The following CCDC57 variants were observed in gnomAD, a reference collection of about 807,000 sequenced individuals.
CCDC57 encodes coiled-coil domain containing 57.
In CCDC57, 118 loss-of-function variants were observed where a neutral mutation model predicts 118.9. The observed-to-expected ratio is 0.99, with a 90% confidence interval of 0.86 to 1.16. The LOEUF (loss-of-function observed/expected upper bound fraction) is 1.16. CCDC57 is among the 50% of genes most tolerant of loss of function. The pLI is 0.00. For missense variants in CCDC57, 1,300 were observed against 1,320.7 expected (o/e 0.98, Z 0.24); for synonymous variants, 527 against 532.9 (o/e 0.99, Z 0.15).
chr17:82,179,762 G>A (rs550255745), intron 9 of CCDC57, among the ~76,000 whole-genome samples: 45 of 152,306 alleles, frequency 3.0e-4, no homozygotes, highest in African/African-American at 1.1e-3. Flanking sequence ...GATGTAAAGG[G>A]GCAGGTCCAC....
At chr17:82,161,942 A>G (rs1463047501) in intron 14 of CCDC57, among the ~76,000 whole-genome samples, 2 of 152,226 alleles carry the variant, frequency 1.3e-5, no homozygotes, top group Non-Finnish European at 2.9e-5. Flanking sequence ...TGAAAGGTAC[A>G]CTTTAAAATG....
intron 19 of CCDC57, among the ~76,000 whole-genome samples, chr17:82,120,805 G>A (rs1172653208): frequency 6.6e-6 from 1 of 151,974 alleles, no homozygotes; most frequent in African/African-American, 2.4e-5. Context: ...GCCCAGGCTG[G>A]AGTGCAGTGG....
At position 82,184,020 on chromosome 17, in the gene CCDC57, C is replaced by T. The variant is rs745979213; in HGVS notation, c.1053-88G>A. ...GCACCCCCCAGCAAATACACATGCG[C>T]GCGCGCGCGCGCACACACACACACA... On this transcript the variant is annotated intron_variant, in intron 8 of 19. Transcript: ENST00000665763. 25 of 260,850 alleles carry T rather than the reference C, an allele frequency of 9.6e-5. 1 individual carries two copies. Among genetic ancestry groups the T allele is most frequent in the African/African-American group, 3.3e-4 (8 of 24,382 alleles). 16.2% of individuals were successfully genotyped at this position (260,850 alleles called of 1,614,324 possible). A position where few individuals can be genotyped will look rare whatever the true frequency, so the allele number is the denominator to read the frequency against.
chr17:82,149,256 GAT>G (rs2041509487), intron 16 of CCDC57, among the ~76,000 whole-genome samples: 1 of 131,806 alleles, frequency 7.6e-6, no homozygotes, highest in Admixed American at 7.3e-5. Flanking sequence ...TGGATGGATG[GAT>G]GGGGGGGGTG....
At chr17:82,117,794 G>A (rs1319649248) in intron 19 of CCDC57, among the ~76,000 whole-genome samples, 1 of 151,872 alleles carries the variant, frequency 6.6e-6, no homozygotes, top group Non-Finnish European at 1.5e-5. Flanking sequence ...AATACTGAGT[G>A]AGGAAAGGTG....
intron 15 of CCDC57, chr17:82,155,635 C>T (rs1023718521): frequency 1.3e-5 from 2 of 152,336 alleles, no homozygotes; most frequent in Non-Finnish European, 2.9e-5. Flanking sequence ...TGCAGCTCTA[C>T]CCACTTCTCT....
At chr17:82,148,341 A>G (rs1461171890) in intron 16 of CCDC57, among the ~76,000 whole-genome samples, 1 of 38,174 alleles carries the variant, frequency 2.6e-5, no homozygotes, top group Non-Finnish European at 4.6e-5. Flanking sequence ...GGATGGATGG[A>G]TGGATAGGTG....
intron 16 of CCDC57, among the ~76,000 whole-genome samples, chr17:82,137,936 T>A (rs2039451563): frequency 2.0e-5 from 3 of 151,878 alleles, no homozygotes; most frequent in African/African-American, 7.3e-5. Flanking sequence ...CCTCCCAAAG[T>A]GCTGGGATTA....
In CCDC57 at chr17:82,183,764, G is replaced by A; in HGVS notation, c.1211+10C>T. ...ACCCTCAATGGAAACATCTGCCTGG[G>A]GACAGTTACCTTTCAATGTCCTGCT... On this transcript the variant is annotated intron_variant, in intron 9 of 19. Coordinates refer to ENST00000665763, the Ensembl canonical transcript of CCDC57. 6.4e-7 allele frequency: 1 copy of A among 1,552,244 alleles called. No individual in the cohort carries two copies. Among genetic ancestry groups the A allele is most frequent in the Non-Finnish European group, 8.7e-7 (1 of 1,147,190 alleles).
rs1216990966 is a variant in CCDC57, at chr17:82,194,264, A to G, written c.619-125T>C. ...GAAAAATGAAAATTCAAGAAGCAGT[A>G]AAACAGTGAGAATGTCCTAACACAA... On this transcript the variant is annotated intron_variant, in intron 5 of 19. Transcript: ENST00000665763. 5 of 1,013,056 alleles carry G rather than the reference A, an allele frequency of 4.9e-6. No homozygotes were observed. In the African/African-American group the frequency reaches 8.1e-5, roughly 16 times the overall value. The allele number at this position is 1,013,056 out of a possible 1,614,324, so 62.8% of individuals were successfully genotyped here.
At chr17:82,207,465 C>A (rs548284362) in intron 2 of CCDC57, 1 of 152,270 alleles carries the variant, frequency 6.6e-6, no homozygotes, top group East Asian at 1.9e-4. Context: ...TCAATCAGTG[C>A]TTGAGATATT....
intron 13 of CCDC57, among the ~76,000 whole-genome samples, chr17:82,165,873 C>T (rs890441940): frequency 1.1e-4 from 17 of 152,144 alleles, no homozygotes; most frequent in African/African-American, 4.1e-4. Flanking sequence ...CCTCAGCCCA[C>T]CAGAGCGGGC....
At chr17:82,167,693 C>T (rs1261274046) in intron 13 of CCDC57, among the ~76,000 whole-genome samples, 1 of 152,060 alleles carries the variant, frequency 6.6e-6, no homozygotes, top group Non-Finnish European at 1.5e-5. Context: ...GTTGGTCAGG[C>T]TAGTCTTGAA....
At chr17:82,190,624 G>A (rs1341988212) in intron 7 of CCDC57, among the ~76,000 whole-genome samples, 1 of 151,122 alleles carries the variant, frequency 6.6e-6, no homozygotes, top group Admixed American at 6.6e-5. Context: ...GAACTCAAGA[G>A]GCAGAGGTTG....
rs112967321 is a variant in CCDC57 at position 82,105,859 on chromosome 17, T to C, written c.2900-3993A>G. ...GCACAAGAGGGGAGGGTACTGGACA[T>C]TGCATGCTCCAGGGCTCTGGGCAGT... On this transcript the variant is annotated intron_variant, in intron 19 of 19. Coordinates refer to ENST00000665763, the Ensembl canonical transcript of CCDC57. Among the ~76,000 whole-genome samples, 275 of 152,294 alleles carry C rather than the reference T, an allele frequency of 1.8e-3. 1 individual carries two copies. The highest frequency in any genetic ancestry group is 6.2e-3 in the African/African-American group (256 of 41,562).
chr17:82,172,674 G>C lies in CCDC57; in HGVS notation c.1693C>G (p.Pro565Ala). Residue 565 changes from proline to alanine, a missense_variant, in exon 12 of 20, where the codon CCT becomes GCT. Pro to Ala is a conservative substitution (Grantham distance 27). Transcript: ENST00000665763. This position sits in a 1 kb window ranked among gnomAD's most constrained non-coding sequence, Gnocchi z 5.2. ...GCATCTCCCCCAGCCTCTGGGTCAGGCTGGTTTGCATCTGTGCTCTCTGCC... is the reference window on the plus strand; with the variant it reads ...GCATCTCCCCCAGCCTCTGGGTCAGCCTGGTTTGCATCTGTGCTCTCTGCC... The C allele has an allele frequency of 3.2e-6, 5 of 1,554,682 alleles. No homozygotes were observed. The highest frequency in any genetic ancestry group is 4.4e-6 in the Non-Finnish European group (5 of 1,149,316).
intron 16 of CCDC57, among the ~76,000 whole-genome samples, chr17:82,145,059 G>A (rs2040528284): frequency 7.9e-6 from 1 of 126,454 alleles, no homozygotes; most frequent in Non-Finnish European, 1.6e-5. Flanking sequence ...GTCTCGCTCT[G>A]TCACCCAGGC....
intron 15 of CCDC57, chr17:82,152,033 A>T (rs1026763934): frequency 2.0e-6 from 1 of 501,864 alleles, no homozygotes; most frequent in Non-Finnish European, 3.6e-6. Context: ...AGGCCCTCAC[A>T]GCCCTCCGCC....
rs1206798594 is a variant in CCDC57, at chr17:82,129,159, T to A, written c.2578-562A>T. On this transcript the variant is annotated intron_variant, in intron 17 of 19. Coordinates refer to ENST00000665763, the Ensembl canonical transcript of CCDC57. ...GTCTTGAACACCTGACCTCAGGTGA[T>A]CCGCCTGCCTTGGCCTCCCAAAGTG... Among the ~76,000 whole-genome samples the A allele has an allele frequency of 3.3e-5, 5 of 152,274 alleles. No homozygotes were observed. In the East Asian group the frequency reaches 9.6e-4, roughly 29 times the overall value.
Sources: allele counts gnomAD v4.1 joint callset (sites outside exome capture counted in the v4.1 genomes callset), GRCh38; gene constraint gnomAD v4.1.1; non-coding constraint Gnocchi (gnomAD v3.1); transcripts MANE v1.5; gene names NCBI Gene and HGNC (gene_info 2026-07-23, HGNC 2026-07-21).